TSHZ2: variants seen among roughly 807,000 people sequenced by gnomAD.
The protein encoded by TSHZ2 is teashirt homolog 2.
In TSHZ2, 21 loss-of-function variants were observed where a neutral mutation model predicts 74.4. The ratio of observed to expected loss-of-function variants is 0.28; its 90% CI spans 0.20 to 0.41. TSHZ2 has a LOEUF of 0.41. TSHZ2 is among the 10% of genes least tolerant of loss of function. TSHZ2 has a pLI of 1.00. For synonymous variants in TSHZ2, 540 were observed against 515.3 expected (o/e 1.05, Z -0.65); for missense variants, 1,244 against 1,293.5 (o/e 0.96, Z 0.59).
intron 1 of TSHZ2, among the ~76,000 whole-genome samples, chr20:53,195,183 C>T (rs767920778): frequency 3.3e-5 from 5 of 152,144 alleles, no homozygotes; most frequent in Non-Finnish European, 7.3e-5. Context: ...AAGCAAAATC[C>T]AGGCAACTGG....
intron 1 of TSHZ2, among the ~76,000 whole-genome samples, chr20:53,025,805 T>C (rs1983417494): frequency 6.6e-6 from 1 of 152,218 alleles, no homozygotes; most frequent in Non-Finnish European, 1.5e-5. Flanking sequence ...CTTACTAAAA[T>C]GTAATATGAG....
intron 2 of TSHZ2, among the ~76,000 whole-genome samples, chr20:53,320,171 C>G (rs1273532651): frequency 1.3e-5 from 2 of 152,210 alleles, no homozygotes; most frequent in Non-Finnish European, 2.9e-5. Context: ...GTGTGCCAGG[C>G]TTTGTCCTGA....
intron 1 of TSHZ2, among the ~76,000 whole-genome samples, chr20:53,037,604 G>A (rs912271834): frequency 2.6e-5 from 4 of 152,172 alleles, no homozygotes; most frequent in Non-Finnish European, 5.9e-5. Context: ...ATTTTTACGG[G>A]TAAGTTTCTA....
intron 1 of TSHZ2, among the ~76,000 whole-genome samples, chr20:52,981,341 C>T (rs549398842): frequency 6.6e-5 from 10 of 152,152 alleles, no homozygotes; most frequent in South Asian, 2.1e-4. Flanking sequence ...AATTCTTATT[C>T]GGCCGCGTAA....
intron 2 of TSHZ2, among the ~76,000 whole-genome samples, chr20:53,408,351 A>C (rs1367807857): frequency 6.6e-6 from 1 of 152,236 alleles, no homozygotes; most frequent in Non-Finnish European, 1.5e-5. Flanking sequence ...GAACATATGA[A>C]AGACACAGCA....
intron 2 of TSHZ2, among the ~76,000 whole-genome samples, chr20:53,334,966 G>A (rs1177932436): frequency 6.6e-6 from 1 of 152,154 alleles, no homozygotes; most frequent in Non-Finnish European, 1.5e-5. Flanking sequence ...ACAGGTGTGA[G>A]CCACCACGCC....
chr20:53,096,960 C>T (rs992351724), intron 1 of TSHZ2, among the ~76,000 whole-genome samples: 1 of 151,206 alleles, frequency 6.6e-6, no homozygotes, highest in Admixed American at 6.6e-5. Context: ...AAAAAAACAA[C>T]AAAAAACAAG....
intron 1 of TSHZ2, among the ~76,000 whole-genome samples, chr20:53,229,540 A>G (rs1319662674): frequency 6.6e-6 from 1 of 152,138 alleles, no homozygotes; most frequent in Non-Finnish European, 1.5e-5. Flanking sequence ...TAGAACACCT[A>G]TGTCTCCTTG....
At chr20:53,312,093 A>G in intron 2 of TSHZ2, among the ~76,000 whole-genome samples, 1 of 152,190 alleles carries the variant, frequency 6.6e-6, no homozygotes, top group Non-Finnish European at 1.5e-5. Flanking sequence ...AAAAATAAAA[A>G]TTTTTTTAAA....
At chr20:53,061,971 G>GT (rs1336183779) in intron 1 of TSHZ2, among the ~76,000 whole-genome samples, 1 of 152,088 alleles carries the variant, frequency 6.6e-6, no homozygotes, top group African/African-American at 2.4e-5. Flanking sequence ...ATGTAAATAA[G>GT]TAAGTCTGGG....
intron 1 of TSHZ2, among the ~76,000 whole-genome samples, chr20:53,127,795 C>T (rs1986989810): frequency 6.6e-6 from 1 of 152,154 alleles, no homozygotes; most frequent in Admixed American, 6.5e-5. Context: ...CTCAGAGAGA[C>T]AAGATGACTT....
At chr20:53,367,441 T>A (rs1032749435) in intron 2 of TSHZ2, among the ~76,000 whole-genome samples, 1 of 152,060 alleles carries the variant, frequency 6.6e-6, no homozygotes, top group Non-Finnish European at 1.5e-5. Flanking sequence ...TTAAATTTTT[T>A]AAAAAACAAC....
At chr20:53,116,314 A>T (rs143811401) in intron 1 of TSHZ2, among the ~76,000 whole-genome samples, 14 of 152,194 alleles carry the variant, frequency 9.2e-5, no homozygotes, top group African/African-American at 2.7e-4. Context: ...TCTTTATTGC[A>T]TAGGCAAATC....
chr20:53,158,261 G>T (rs1003079389), intron 1 of TSHZ2, among the ~76,000 whole-genome samples: 5 of 152,234 alleles, frequency 3.3e-5, no homozygotes, highest in Middle Eastern at 3.4e-3. Context: ...CAGAACCTAT[G>T]GGACTTCATA....
At chr20:53,355,204 A>T (rs1365576225) in intron 2 of TSHZ2, among the ~76,000 whole-genome samples, 1 of 152,244 alleles carries the variant, frequency 6.6e-6, no homozygotes, top group East Asian at 1.9e-4. Context: ...AATAACTACA[A>T]ATGATAAGTG....
chr20:53,042,421 C>T (rs1686124514), intron 1 of TSHZ2, among the ~76,000 whole-genome samples: 1 of 152,112 alleles, frequency 6.6e-6, no homozygotes, highest in African/African-American at 2.4e-5. Flanking sequence ...GTGTGCTAGG[C>T]ATATACATTC....
intron 2 of TSHZ2, among the ~76,000 whole-genome samples, chr20:53,470,033 A>C (rs1293171796): frequency 6.6e-6 from 1 of 152,188 alleles, no homozygotes; most frequent in East Asian, 1.9e-4. Flanking sequence ...AGAAAAAAAG[A>C]GTCCCTCTTG....
At chr20:53,038,046 A>C (rs2123085691) in intron 1 of TSHZ2, among the ~76,000 whole-genome samples, 1 of 151,954 alleles carries the variant, frequency 6.6e-6, no homozygotes, top group Middle Eastern at 3.4e-3. Flanking sequence ...CCGCAGGATC[A>C]CCTTCGGGGA....
At chr20:53,114,976 TG>T (rs1986631354) in intron 1 of TSHZ2, among the ~76,000 whole-genome samples, 2 of 152,178 alleles carry the variant, frequency 1.3e-5, no homozygotes, top group Non-Finnish European at 2.9e-5. Flanking sequence ...TCCTTGCATG[TG>T]GGAGTGTTAA....
Sources: allele counts gnomAD v4.1 joint callset (sites outside exome capture counted in the v4.1 genomes callset), GRCh38; gene constraint gnomAD v4.1.1; transcripts MANE v1.5; gene names NCBI Gene and HGNC (gene_info 2026-07-23, HGNC 2026-07-21).